ARHGAP24: variants seen among roughly 807,000 people sequenced by gnomAD.
ARHGAP24 encodes the protein Rho GTPase activating protein 24.
ARHGAP24 carries 50 observed loss-of-function variants against 76.4 expected under a neutral mutation model. The ratio of observed to expected loss-of-function variants is 0.65; its 90% confidence interval spans 0.52 to 0.83. The LOEUF is 0.83. Among genes scored for constraint, ARHGAP24 ranks in the 40% least tolerant of loss-of-function variants. ARHGAP24 has a pLI of 0.00. For synonymous variants in ARHGAP24, 345 were observed against 323.3 expected, an observed-to-expected ratio of 1.07 and a Z score of -0.72; for missense variants, 930 against 914.2, an observed-to-expected ratio of 1.02 and a Z score of -0.22.
At chr4:85,927,146 T>C (rs974675460) in intron 4 of ARHGAP24, among the ~76,000 whole-genome samples, 1 of 152,164 alleles carries the variant, frequency 6.6e-6, no homozygotes, top group African/African-American at 2.4e-5. Flanking sequence ...AATGGATTAT[T>C]ATTAAGCCAT....
chr4:85,976,678 A>T (rs968918958), intron 7 of ARHGAP24, among the ~76,000 whole-genome samples: 1 of 152,070 alleles, frequency 6.6e-6, no homozygotes, highest in African/African-American at 2.4e-5. Context: ...CTATTATTTC[A>T]TGCCTCTTAC....
chr4:85,941,926 T>G (rs1560733813), intron 4 of ARHGAP24, 140 bp from the exon 5 acceptor site: 1 of 827,998 alleles, frequency 1.2e-6, no homozygotes, highest in East Asian at 2.7e-5. Context: ...TTTGATTGTA[T>G]AATAATGTGA....
intron 3 of ARHGAP24, among the ~76,000 whole-genome samples, chr4:85,802,014 T>C (rs1728598408): frequency 6.6e-6 from 1 of 152,220 alleles, no homozygotes; most frequent in African/African-American, 2.4e-5. Flanking sequence ...CTCTGAAGAA[T>C]GTGCCGTGTA....
At position 86,002,196 on chromosome 4, in the gene ARHGAP24, A is replaced by G. The variant is rs960679769; in HGVS notation, c.*1474A>G. On this transcript the variant is annotated 3_prime_UTR_variant, in exon 10 of 10. Coordinates refer to ENST00000395184, the MANE Select transcript of ARHGAP24 (RefSeq NM_001025616.3). ...GGGGTTTGTGTTGTTTGAAGGTTCAATGCTTGCATGTGTTTATTTATTTTC... is the reference window on the plus strand; with the variant it reads ...GGGGTTTGTGTTGTTTGAAGGTTCAGTGCTTGCATGTGTTTATTTATTTTC... 1 of 152,170 alleles carries G rather than the reference A, an allele frequency of 6.6e-6. No homozygotes were observed. The highest frequency in any genetic ancestry group is 2.4e-5 in the African/African-American group (1 of 41,428). 9.4% of individuals were successfully genotyped at this position (152,170 alleles called of 1,614,324 possible). A position where few individuals can be genotyped will look rare whatever the true frequency, so the allele number is the denominator to read the frequency against.
At chr4:85,869,198 G>A (rs937518654) in intron 3 of ARHGAP24, among the ~76,000 whole-genome samples, 8 of 152,062 alleles carry the variant, frequency 5.3e-5, no homozygotes, top group African/African-American at 1.2e-4. Flanking sequence ...TATATCTGAC[G>A]TAACAAGAAG....
chr4:85,652,024 A>G (rs1295717515), intron 2 of ARHGAP24, among the ~76,000 whole-genome samples: 1 of 152,156 alleles, frequency 6.6e-6, no homozygotes, highest in Non-Finnish European at 1.5e-5. Flanking sequence ...TAAAATAGTG[A>G]TGAAAATGGT....
chr4:85,657,230 G>A (rs1722209024), intron 2 of ARHGAP24, among the ~76,000 whole-genome samples: 1 of 151,910 alleles, frequency 6.6e-6, no homozygotes. Flanking sequence ...CTGTACAATT[G>A]GGAGAAGAAT....
chr4:85,774,555 C>T (rs755853904), intron 3 of ARHGAP24, among the ~76,000 whole-genome samples: 4 of 152,148 alleles, frequency 2.6e-5, no homozygotes, highest in African/African-American at 4.8e-5. Context: ...AAGAGATTTC[C>T]GGAAGCTCTT....
intron 3 of ARHGAP24, among the ~76,000 whole-genome samples, chr4:85,835,555 CA>C (rs76896754): frequency 0.45 from 50,411 of 111,552 alleles, 8,671 homozygotes; most frequent in African/African-American, 0.5. Context: ...GACTCCATCT[CA>C]AAAAAAAAAA....
At chr4:85,863,443 A>C (rs975904295) in intron 3 of ARHGAP24, among the ~76,000 whole-genome samples, 9 of 152,120 alleles carry the variant, frequency 5.9e-5, no homozygotes, top group African/African-American at 2.2e-4. Context: ...TCATGTCATG[A>C]ACACTGGAAT....
intron 3 of ARHGAP24, among the ~76,000 whole-genome samples, chr4:85,736,273 G>A (rs1383696544): frequency 1.3e-5 from 2 of 152,172 alleles, no homozygotes; most frequent in African/African-American, 4.8e-5. Context: ...AAGAATGTAA[G>A]TTCCATGAGA....
intron 2 of ARHGAP24, among the ~76,000 whole-genome samples, chr4:85,708,294 G>A (rs769633143): frequency 6.6e-6 from 1 of 152,068 alleles, no homozygotes; most frequent in Non-Finnish European, 1.5e-5. Flanking sequence ...TTACCAAACA[G>A]GACTTAAAAG....
intron 3 of ARHGAP24, among the ~76,000 whole-genome samples, chr4:85,841,031 G>A (rs1275990393): frequency 6.6e-6 from 1 of 152,132 alleles, no homozygotes; most frequent in East Asian, 1.9e-4. Context: ...CATAGAGAAA[G>A]TTATTTTGTT....
At chr4:85,565,728 T>C (rs953164957) in intron 1 of ARHGAP24, among the ~76,000 whole-genome samples, 16 of 152,342 alleles carry the variant, frequency 1.1e-4, no homozygotes, top group African/African-American at 3.4e-4. Flanking sequence ...TGAACATGTA[T>C]AGTAAGGTAT....
intron 5 of ARHGAP24, among the ~76,000 whole-genome samples, chr4:85,958,238 C>G (rs1405819775): frequency 6.6e-6 from 1 of 152,178 alleles, no homozygotes; most frequent in East Asian, 1.9e-4. Flanking sequence ...AATGTCTAAT[C>G]TCACAGGGTT....
intron 5 of ARHGAP24, among the ~76,000 whole-genome samples, chr4:85,943,700 A>G (rs1039698373): frequency 1.3e-5 from 2 of 152,036 alleles, no homozygotes; most frequent in African/African-American, 2.4e-5. Context: ...ATGAGTGAGA[A>G]CATGCGGTGT....
chr4:85,901,505 T>A (rs1023088283), intron 3 of ARHGAP24, among the ~76,000 whole-genome samples: 4 of 152,172 alleles, frequency 2.6e-5, no homozygotes, highest in African/African-American at 9.7e-5. Context: ...TACATGATAT[T>A]TTAGAATCTT....
In ARHGAP24 at chr4:85,814,106, A is replaced by T. The variant is rs548805142; in HGVS notation, c.268+92134A>T. Among the ~76,000 whole-genome samples, 3 of 152,070 alleles carry T rather than the reference A, an allele frequency of 2.0e-5. No individual in the cohort carries two copies. In the East Asian group the frequency reaches 5.8e-4, roughly 29 times the overall value. ...CACTACCATGAGAACAGCATGGGGG[A>T]AACCGCCCCCATGATCCAACCATCT... On this transcript the variant is annotated intron_variant, in intron 3 of 9. Coordinates refer to ENST00000395184, the MANE Select transcript of ARHGAP24 (RefSeq NM_001025616.3).
chr4:85,795,403 G>T (rs181335263), intron 3 of ARHGAP24, among the ~76,000 whole-genome samples: 68 of 152,064 alleles, frequency 4.5e-4, no homozygotes, highest in Admixed American at 2.1e-3. Context: ...TGCTTGTTTG[G>T]GTTTTTGTCA....
Sources: gnomAD v4.1 joint callset for allele counts (sites outside exome capture counted in the v4.1 genomes callset) on GRCh38, gnomAD v4.1.1 for gene constraint, MANE v1.5 for transcripts, NCBI Gene and HGNC (gene_info 2026-07-23, HGNC 2026-07-21) for gene names.